SYTL3: variants seen among roughly 807,000 people sequenced by gnomAD.
The protein encoded by SYTL3 is synaptotagmin like 3.
SYTL3 carries 88 observed loss-of-function variants against 82.1 expected under a neutral mutation model. The ratio of observed to expected loss-of-function variants is 1.07; its 90% CI spans 0.90 to 1.28. The LOEUF is 1.28. Ranked by LOEUF, SYTL3 falls within the 50% of genes most tolerant of loss-of-function variation. SYTL3 has a pLI of 0.00. For synonymous variants in SYTL3, 311 were observed against 289.4 expected, an observed-to-expected ratio of 1.07 and a Z score of -0.76; for missense variants, 831 against 757.6, an observed-to-expected ratio of 1.10 and a Z score of -1.14.
At chr6:158,728,050 A>G (rs1430422535) in intron 11 of SYTL3, among the ~76,000 whole-genome samples, 1 of 152,226 alleles carries the variant, frequency 6.6e-6, no homozygotes, top group East Asian at 1.9e-4. Context: ...TTTCATACAT[A>G]TGGGAGTAAT....
chr6:158,669,623 T>C lies in SYTL3; in HGVS notation c.329+4010T>C, dbSNP rs1777136476. Among the ~76,000 whole-genome samples the C allele has an allele frequency of 2.0e-5, 3 of 152,388 alleles. No individual in the cohort carries two copies. In the South Asian group the frequency reaches 6.2e-4, roughly 32 times the overall value. On this transcript the variant is annotated intron_variant, in intron 5 of 17. Coordinates refer to ENST00000611299, the MANE Select transcript of SYTL3 (RefSeq NM_001242394.2). ...TTCCTGAATTGCTCAAATTTGTCTC[T>C]TGTACCACACCTGATGCCAACAAAG...
chr6:158,659,781 A>G (rs1358175228), intron 2 of SYTL3, among the ~76,000 whole-genome samples: 1 of 152,244 alleles, frequency 6.6e-6, no homozygotes, highest in East Asian at 1.9e-4. Flanking sequence ...CAGGAAGGTC[A>G]GAAATACATT....
At position 158,752,024 on chromosome 6, in the gene SYTL3, C is replaced by CT; in HGVS notation, c.1133dup (p.Leu378PhefsTer44). On this transcript the variant is annotated frameshift_variant, in exon 13 of 18. Transcript: ENST00000611299. LOFTEE classifies it high-confidence loss of function. ...CCGTGGACCCGACCTTTCAGGAGACCTTGAAGGTACTTGCTGGACAGATAT... is the reference window on the plus strand; with the variant it reads ...CCGTGGACCCGACCTTTCAGGAGACCTTTGAAGGTACTTGCTGGACAGATAT... 6.3e-7 allele frequency: 1 copy of CT among 1,592,342 alleles called. No homozygotes were observed. Among genetic ancestry groups the CT allele is most frequent in the Non-Finnish European group, 8.5e-7 (1 of 1,171,812 alleles).
At chr6:158,756,739 T>TA in intron 13 of SYTL3, among the ~76,000 whole-genome samples, 1 of 148,040 alleles carries the variant, frequency 6.8e-6, no homozygotes, top group African/African-American at 2.5e-5. Context: ...TTTTTTTTTT[T>TA]TTTTTTTTTA....
At chr6:158,660,170 C>T (rs920844178) in intron 2 of SYTL3, among the ~76,000 whole-genome samples, 4 of 152,166 alleles carry the variant, frequency 2.6e-5, no homozygotes, top group African/African-American at 9.7e-5. Context: ...AAGGCTGAAG[C>T]AGGAGAATTG....
Position 158,763,294 on chromosome 6 carries a change from C to T in SYTL3, c.1518-10C>T. On this transcript the variant is annotated splice_polypyrimidine_tract_variant and intron_variant, in intron 16 of 17. Coordinates refer to ENST00000611299, the MANE Select transcript of SYTL3 (RefSeq NM_001242394.2). ...TGGCAATGATTGCAGGGTTTGTGTTCCCTCTTCAGCTGTCTCACTCTGCCA... is the reference window on the plus strand; with the variant it reads ...TGGCAATGATTGCAGGGTTTGTGTTTCCTCTTCAGCTGTCTCACTCTGCCA... 6.2e-7 allele frequency: 1 copy of T among 1,613,796 alleles called. No homozygotes were observed. Among genetic ancestry groups the T allele is most frequent in the Non-Finnish European group, 8.5e-7 (1 of 1,179,794 alleles).
chr6:158,713,144 G>A (rs190782075), intron 8 of SYTL3, among the ~76,000 whole-genome samples: 31 of 152,068 alleles, frequency 2.0e-4, no homozygotes, highest in Admixed American at 1.2e-3. Context: ...CTCCAGAGTC[G>A]TTCCAGTACC....
At position 158,677,391 on chromosome 6, in the gene SYTL3, A is replaced by C. The variant is rs187142761; in HGVS notation, c.330-5534A>C. Among the ~76,000 whole-genome samples, 13 of 152,248 alleles carry C rather than the reference A, an allele frequency of 8.5e-5. No individual in the cohort carries two copies. In the East Asian group the frequency reaches 2.5e-3, roughly 29 times the overall value. On this transcript the variant is annotated intron_variant, in intron 5 of 17. Coordinates refer to ENST00000611299, the MANE Select transcript of SYTL3 (RefSeq NM_001242394.2). ...ATGGACACAGGAAGGGGAACATCAC[A>C]CACCGGGGAATGTTGTGGGGAGCGG...
At position 158,718,096 on chromosome 6, in the gene SYTL3, A is replaced by G. The variant is rs755330141; in HGVS notation, c.605A>G (p.Lys202Arg). The G allele has an allele frequency of 8.4e-6, 13 of 1,539,322 alleles. No individual in the cohort carries two copies. In the South Asian group the frequency reaches 1.6e-4, roughly 19 times the overall value. The stretch of plus-strand genomic sequence containing the variant: ...TGTGTTTGCCTTTTAGAGCTCTCCA[A>G]ATCCCAGAATGATATGACTTCTGAG... Reference protein sequence around the residue: ...SLATHVKKLSKSQNDMTSEKH... With the variant: ...SLATHVKKLSRSQNDMTSEKH... Residue 202 changes from lysine to arginine, a missense_variant, in exon 10 of 18, where the codon AAA becomes AGA. Coordinates refer to ENST00000611299, the MANE Select transcript of SYTL3 (RefSeq NM_001242394.2).
At chr6:158,683,853 T>C (rs1779002812) in intron 6 of SYTL3, among the ~76,000 whole-genome samples, 1 of 152,192 alleles carries the variant, frequency 6.6e-6, no homozygotes. Context: ...AGTGAGCGCA[T>C]GTTGCGGTAA....
At chr6:158,693,868 T>TTTTTTTTTTTTTTTTTTTTTA (rs1780267797) in intron 6 of SYTL3, among the ~76,000 whole-genome samples, 1 of 142,702 alleles carries the variant, frequency 7.0e-6, no homozygotes, top group Non-Finnish European at 1.5e-5. Flanking sequence ...TTTTTTTTTT[T>TTTTTTTTTTTTTTTTTTTTTA]TTTTTGTAGA....
At chr6:158,651,363 C>T (rs1200595086) in intron 1 of SYTL3, among the ~76,000 whole-genome samples, 6 of 151,986 alleles carry the variant, frequency 3.9e-5, no homozygotes, top group African/African-American at 9.7e-5. Flanking sequence ...GAGGCCTAGG[C>T]GGATGGATCA....
intron 6 of SYTL3, among the ~76,000 whole-genome samples, chr6:158,693,697 TTTTCTTTCTTTC>T (rs974618294): frequency 2.3e-5 from 3 of 130,494 alleles, no homozygotes; most frequent in Admixed American, 7.1e-5. Flanking sequence ...TTTCTTTTCG[TTTTCTTTCTTTC>T]TTTCTTTCTT....
At chr6:158,760,362 T>C (rs1239259160) in intron 14 of SYTL3, among the ~76,000 whole-genome samples, 1 of 152,098 alleles carries the variant, frequency 6.6e-6, no homozygotes, top group African/African-American at 2.4e-5. Context: ...TCTTAGGGAG[T>C]GTGCAGTGCC....
rs1330810977 is a variant in SYTL3, at chr6:158,663,582, G to C, written c.110+204G>C. On this transcript the variant is annotated intron_variant, in intron 4 of 17. Transcript: ENST00000611299. ...ACGTAGAGGACGCTCAGGAGGAGGA[G>C]GGAGGCCGCTCTTGTTATTCATTTA... The C allele has an allele frequency of 6.1e-6, 6 of 985,192 alleles. No individual in the cohort carries two copies. In the African/African-American group the frequency reaches 8.7e-5, roughly 14 times the overall value. The allele number at this position is 985,192 out of a possible 1,614,324, so 61.0% of individuals were successfully genotyped here.
At chr6:158,720,560 G>A (rs1035196133) in intron 10 of SYTL3, among the ~76,000 whole-genome samples, 8 of 152,106 alleles carry the variant, frequency 5.3e-5, no homozygotes, top group African/African-American at 1.7e-4. Context: ...AATGAGGACC[G>A]CTGAAGAAAG....
At chr6:158,757,103 G>A (rs1240614922) in intron 13 of SYTL3, 108 bp from the exon 14 acceptor site, 2 of 1,133,340 alleles carry the variant, frequency 1.8e-6, no homozygotes, top group African/African-American at 1.6e-5. Flanking sequence ...AGGGAGGCCT[G>A]CGCCAGGCCC....
At chr6:158,759,922 G>A (rs1270440956) in intron 14 of SYTL3, among the ~76,000 whole-genome samples, 2 of 152,034 alleles carry the variant, frequency 1.3e-5, no homozygotes, top group African/African-American at 4.8e-5. Flanking sequence ...CTCATCAGCT[G>A]TTGTTAGTGT....
chr6:158,666,215 G>A (rs534759742), intron 5 of SYTL3, among the ~76,000 whole-genome samples: 2 of 152,296 alleles, frequency 1.3e-5, no homozygotes, highest in South Asian at 4.1e-4. Flanking sequence ...TACCAGTGGA[G>A]TAAATTATAA....
Sources: allele counts gnomAD v4.1 joint callset (sites outside exome capture counted in the v4.1 genomes callset), GRCh38; gene constraint gnomAD v4.1.1; transcripts MANE v1.5; gene names NCBI Gene and HGNC (gene_info 2026-07-23, HGNC 2026-07-21).